Variants in TTC28 observed in about 807,000 individuals in gnomAD.
TTC28 encodes tetratricopeptide repeat protein 28.
A neutral mutation model predicts 198.0 loss-of-function variants in TTC28; 61 were observed. That is an observed-to-expected ratio of 0.31 (90% CI 0.25 to 0.38). The LOEUF is 0.38. Ranked by LOEUF, TTC28 falls within the 10% of genes least tolerant of loss-of-function variation. TTC28 has a pLI of 1.00. For missense variants in TTC28, 2,678 were observed against 3,164.0 expected (o/e 0.85, Z 3.69); for synonymous variants, 1,171 against 1,297.8 (o/e 0.90, Z 2.10).
intron 12 of TTC28, among the ~76,000 whole-genome samples, chr22:28,048,536 A>G (rs1569106484): frequency 6.6e-6 from 1 of 152,188 alleles, no homozygotes; most frequent in Non-Finnish European, 1.5e-5. Context: ...CAGCTAAAGC[A>G]AAACCACAGA....
At chr22:28,102,597 C>T (rs1467917605) in intron 8 of TTC28, among the ~76,000 whole-genome samples, 1 of 152,154 alleles carries the variant, frequency 6.6e-6, no homozygotes, top group African/African-American at 2.4e-5. Flanking sequence ...AAGGCTCCCA[C>T]CGTACAACTG....
chr22:28,540,071 G>A (rs1390307889), intron 2 of TTC28, among the ~76,000 whole-genome samples: 1 of 151,214 alleles, frequency 6.6e-6, no homozygotes, highest in African/African-American at 2.4e-5. Flanking sequence ...CAGCCTCCGA[G>A]TAGCTGGGAC....
intron 2 of TTC28, among the ~76,000 whole-genome samples, chr22:28,485,298 T>G (rs964212178): frequency 6.6e-6 from 1 of 152,206 alleles, no homozygotes; most frequent in African/African-American, 2.4e-5. Context: ...TTTAGTTACA[T>G]GAAAGTCAAC....
intron 2 of TTC28, among the ~76,000 whole-genome samples, chr22:28,598,230 G>A (rs1270966794): frequency 6.6e-6 from 1 of 151,704 alleles, no homozygotes; most frequent in African/African-American, 2.4e-5. Flanking sequence ...TAACAAGCAG[G>A]CCGGGCACAG....
At chr22:28,515,018 G>A (rs1307268375) in intron 2 of TTC28, among the ~76,000 whole-genome samples, 2 of 152,108 alleles carry the variant, frequency 1.3e-5, no homozygotes, top group Admixed American at 6.6e-5. Context: ...GATGGCTCTC[G>A]TTGCTACAGT....
chr22:28,570,478 A>G (rs981423186), intron 2 of TTC28, among the ~76,000 whole-genome samples: 5 of 152,222 alleles, frequency 3.3e-5, no homozygotes, highest in Non-Finnish European at 7.3e-5. Context: ...GTTCTCATGT[A>G]TAAGTGGGAG....
chr22:28,593,221 G>A (rs184497695), intron 2 of TTC28, among the ~76,000 whole-genome samples: 9 of 152,152 alleles, frequency 5.9e-5, no homozygotes, highest in East Asian at 1.9e-4. Flanking sequence ...GTTCGTGTTC[G>A]GTGGTCTTCA....
intron 6 of TTC28, among the ~76,000 whole-genome samples, chr22:28,132,694 T>C (rs1041491442): frequency 6.6e-6 from 1 of 152,180 alleles, no homozygotes; most frequent in South Asian, 2.1e-4. Context: ...CTAACTGTAC[T>C]AAAGGGCAGA....
chr22:28,220,808 C>T (rs1927795327), intron 5 of TTC28, among the ~76,000 whole-genome samples: 1 of 151,994 alleles, frequency 6.6e-6, no homozygotes, highest in South Asian at 2.1e-4. Context: ...ATGGGGCCCA[C>T]GTTAAGAGTA....
intron 5 of TTC28, among the ~76,000 whole-genome samples, chr22:28,189,135 G>A (rs1189053652): frequency 6.6e-6 from 1 of 152,062 alleles, no homozygotes; most frequent in South Asian, 2.1e-4. Flanking sequence ...ATCACTTGAG[G>A]CCAGGAGTTC....
chr22:28,140,141 G>T (rs1479602420), intron 6 of TTC28, among the ~76,000 whole-genome samples: 2 of 152,200 alleles, frequency 1.3e-5, no homozygotes, highest in Non-Finnish European at 2.9e-5. Context: ...CAGGGTTGTT[G>T]TGAGGACAAA....
Position 28,014,230 on chromosome 22 carries a change from C to T in TTC28, c.4218+18G>A. 2 of 1,543,720 alleles carry T rather than the reference C, an allele frequency of 1.3e-6. No homozygotes were observed. The stretch of plus-strand genomic sequence containing the variant: ...TGTTCTGATGCGGAGGAGCCTTGTG[C>T]CCCCAGGAGGTGCTTACCCCTTCCA... On this transcript the variant is annotated intron_variant, in intron 14 of 22. Transcript: ENST00000397906.
At chr22:28,579,300 T>C (rs1262536402) in intron 2 of TTC28, among the ~76,000 whole-genome samples, 4 of 149,752 alleles carry the variant, frequency 2.7e-5, no homozygotes, top group Non-Finnish European at 5.9e-5. Context: ...TATATAGCTA[T>C]ATATGTGCAT....
intron 5 of TTC28, among the ~76,000 whole-genome samples, chr22:28,189,778 G>T (rs1451165220): frequency 6.6e-6 from 1 of 151,742 alleles, no homozygotes; most frequent in Non-Finnish European, 1.5e-5. Flanking sequence ...CTTGAAGACA[G>T]AATTGAAGCT....
intron 2 of TTC28, among the ~76,000 whole-genome samples, chr22:28,456,942 C>A (rs530551085): frequency 6.6e-6 from 1 of 152,278 alleles, no homozygotes; most frequent in African/African-American, 2.4e-5. Flanking sequence ...AAATAAACAA[C>A]TAGCAAACTA....
intron 2 of TTC28, among the ~76,000 whole-genome samples, chr22:28,615,912 T>C (rs1448668589): frequency 1.3e-5 from 2 of 152,150 alleles, no homozygotes; most frequent in Non-Finnish European, 2.9e-5. Flanking sequence ...ACCTGCACAT[T>C]CTGCACATGT....
At chr22:28,338,915 AAGG>A (rs2045779529) in intron 2 of TTC28, among the ~76,000 whole-genome samples, 1 of 152,112 alleles carries the variant, frequency 6.6e-6, no homozygotes, top group Non-Finnish European at 1.5e-5. Context: ...CGTTCCTGGT[AAGG>A]AGCTGTGTTC....
chr22:28,346,957 T>G (rs1415567992), intron 2 of TTC28, among the ~76,000 whole-genome samples: 1 of 151,948 alleles, frequency 6.6e-6, no homozygotes, highest in Admixed American at 6.5e-5. Flanking sequence ...AGAAACAAAT[T>G]AAAGCTTTTA....
intron 2 of TTC28, among the ~76,000 whole-genome samples, chr22:28,574,233 A>G (rs1386963375): frequency 2.0e-5 from 3 of 151,832 alleles, no homozygotes; most frequent in African/African-American, 7.3e-5. Flanking sequence ...GCTGATCTCA[A>G]TCTCCTTGGC....
Sources: allele counts gnomAD v4.1 joint callset (sites outside exome capture counted in the v4.1 genomes callset), GRCh38; gene constraint gnomAD v4.1.1; transcripts MANE v1.5; gene names NCBI Gene and HGNC (gene_info 2026-07-23, HGNC 2026-07-21).